Variants in KCNN3 observed in about 807,000 individuals in gnomAD.
The protein encoded by KCNN3 is small conductance calcium-activated potassium channel protein 3.
In KCNN3, 16 loss-of-function variants were observed where a neutral mutation model predicts 62.9. That is an observed-to-expected ratio of 0.25 (90% CI 0.17 to 0.39). The LOEUF (loss-of-function observed/expected upper bound fraction) is 0.39. KCNN3 is among the 10% of genes least tolerant of loss of function. The pLI is 1.00. For synonymous variants in KCNN3, 370 were observed against 389.2 expected, an observed-to-expected ratio of 0.95 and a Z score of 0.58; for missense variants, 599 against 949.4, an observed-to-expected ratio of 0.63 and a Z score of 4.85.
At chr1:154,820,756 C>T (rs1050443058) in intron 2 of KCNN3, among the ~76,000 whole-genome samples, 3 of 152,228 alleles carry the variant, frequency 2.0e-5, no homozygotes, top group Admixed American at 6.5e-5. Flanking sequence ...AGCCCCTGTC[C>T]AAGCATCTGC....
intron 1 of KCNN3, among the ~76,000 whole-genome samples, chr1:154,858,956 C>A (rs1414108839): frequency 6.6e-6 from 1 of 152,188 alleles, no homozygotes; most frequent in Non-Finnish European, 1.5e-5. Context: ...GGATCTTGCC[C>A]ACCCAGGCTA....
At chr1:154,829,897 C>T (rs1651314656) in intron 1 of KCNN3, among the ~76,000 whole-genome samples, 1 of 152,132 alleles carries the variant, frequency 6.6e-6, no homozygotes, top group Non-Finnish European at 1.5e-5. Flanking sequence ...CTGGGGTGAC[C>T]AGAGCACCTT....
At chr1:154,852,926 C>G (rs952738650) in intron 1 of KCNN3, among the ~76,000 whole-genome samples, 4 of 152,188 alleles carry the variant, frequency 2.6e-5, no homozygotes, top group Admixed American at 1.3e-4. Context: ...CTCACCACTT[C>G]AGATCCTCCA....
intron 1 of KCNN3, chr1:154,859,627 T>C (rs1558010914): frequency 6.6e-7 from 1 of 1,513,210 alleles, no homozygotes; most frequent in Non-Finnish European, 9.2e-7. Context: ...GTTCAATGGC[T>C]CAAGCCAGGC....
intron 4 of KCNN3, among the ~76,000 whole-genome samples, chr1:154,729,399 G>A (rs1700543476): frequency 6.6e-6 from 1 of 152,134 alleles, no homozygotes; most frequent in South Asian, 2.1e-4. Context: ...GCGAGAGGGA[G>A]CACCGAGTGC....
chr1:154,697,749 C>G lies in KCNN3; in HGVS notation c.*10227G>C, dbSNP rs1699769195. On this transcript the variant is annotated 3_prime_UTR_variant, in exon 8 of 8. Transcript: ENST00000271915. ...CATGTGGTCAATACACATCCTGGAT[C>G]TTACAAATCCAATGGTGGCCAGCAG... The G allele has an allele frequency of 6.6e-6, 1 of 152,218 alleles. No homozygotes were observed. The highest frequency in any genetic ancestry group is 2.4e-5 in the African/African-American group (1 of 41,462). 9.4% of individuals were successfully genotyped at this position (152,218 alleles called of 1,614,324 possible). A position where few individuals can be genotyped will look rare whatever the true frequency, so the allele number is the denominator to read the frequency against.
At chr1:154,714,552 G>GGTT (rs1700185473) in intron 6 of KCNN3, among the ~76,000 whole-genome samples, 1 of 71,886 alleles carries the variant, frequency 1.4e-5, no homozygotes, top group Admixed American at 1.5e-4. Context: ...GGGTGTGTGT[G>GGTT]TGTGGTGTGT....
At chr1:154,770,844 G>A (rs184257057) in intron 3 of KCNN3, among the ~76,000 whole-genome samples, 13 of 152,276 alleles carry the variant, frequency 8.5e-5, no homozygotes, top group Admixed American at 7.8e-4. Context: ...ATCACTTGAA[G>A]CCAGGAGTTC....
chr1:154,710,351 C>T (rs1322814852), intron 7 of KCNN3, among the ~76,000 whole-genome samples: 2 of 152,182 alleles, frequency 1.3e-5, no homozygotes, highest in Non-Finnish European at 2.9e-5. Context: ...GTGAAGTGTG[C>T]TAAGCTGCTG....
Position 154,772,108 on chromosome 1 carries a change from C to T in KCNN3, c.1315G>A (p.Ala439Thr). 6.2e-7 allele frequency: 1 copy of T among 1,614,190 alleles called. No homozygotes were observed. The highest frequency in any genetic ancestry group is 8.5e-7 in the Non-Finnish European group (1 of 1,180,040). Residue 439 changes from alanine (A) to threonine (T), a missense_variant, in exon 3 of 8, where the codon GCC (alanine) becomes ACC (threonine). Ala to Thr is a moderately conservative substitution (Grantham distance 58, BLOSUM62 0). Transcript: ENST00000271915. This position sits in a 1 kb window ranked among gnomAD's most constrained non-coding sequence, Gnocchi z 5.6. ...GTGTTGAAGTTGATCTTGTTGAGGG[C>T]CCCGATGCTGCGGGACGAGGCATCG... ...FTDASSRSIG[A>T]LNKINFNTRF...
chr1:154,785,832 C>G (rs1180414169), intron 2 of KCNN3, among the ~76,000 whole-genome samples: 1 of 151,990 alleles, frequency 6.6e-6, no homozygotes, highest in Non-Finnish European at 1.5e-5. Context: ...AACTCCTAGC[C>G]TCATATGATC....
intron 7 of KCNN3, 100 bp from the exon 8 acceptor site, chr1:154,708,372 C>T (rs1190501418): frequency 7.7e-6 from 9 of 1,171,502 alleles, no homozygotes; most frequent in Admixed American, 1.7e-5. Flanking sequence ...ATGACAGGAG[C>T]CACTTCCACA....
At chr1:154,868,015 C>T (rs1653020064) in intron 1 of KCNN3, 31 of 985,352 alleles carry the variant, frequency 3.1e-5, no homozygotes, top group Non-Finnish European at 3.7e-5. Flanking sequence ...GACTGAGAGG[C>T]TGGAGCAGTG....
chr1:154,709,940 C>T (rs1440975943), intron 7 of KCNN3, among the ~76,000 whole-genome samples: 1 of 152,186 alleles, frequency 6.6e-6, no homozygotes, highest in Non-Finnish European at 1.5e-5. Context: ...CACTTTGTTC[C>T]CTTGGATCTT....
intron 5 of KCNN3, among the ~76,000 whole-genome samples, chr1:154,720,027 A>G (rs1700315467): frequency 6.6e-6 from 1 of 152,124 alleles, no homozygotes; most frequent in Admixed American, 6.5e-5. Flanking sequence ...ATAATTCTAT[A>G]ATGCTATTTA....
At chr1:154,759,871 A>G (rs1647918554) in intron 3 of KCNN3, among the ~76,000 whole-genome samples, 1 of 152,208 alleles carries the variant, frequency 6.6e-6, no homozygotes, top group South Asian at 2.1e-4. Flanking sequence ...TCTCAATGCA[A>G]TATGGATTTC....
At chr1:154,740,710 G>A (rs1700807650) in intron 3 of KCNN3, among the ~76,000 whole-genome samples, 1 of 152,206 alleles carries the variant, frequency 6.6e-6, no homozygotes. Flanking sequence ...ATCTCATCAA[G>A]ACTTGACTTT....
Position 154,870,115 on chromosome 1 carries a change from G to T in KCNN3, c.-151C>A. On this transcript the variant is annotated 5_prime_UTR_variant, in exon 1 of 8. Coordinates refer to ENST00000271915, the MANE Select transcript of KCNN3 (RefSeq NM_002249.6). ...CTTTGGCTTGCTTCGGTTCTCTGGGGCTGCCTGGAGTCCAGACGCTGCCAC... is the reference window on the plus strand; with the variant it reads ...CTTTGGCTTGCTTCGGTTCTCTGGGTCTGCCTGGAGTCCAGACGCTGCCAC... 1 of 888,062 alleles carries T rather than the reference G, an allele frequency of 1.1e-6. No homozygotes were observed. The highest frequency in any genetic ancestry group is 1.8e-6 in the Non-Finnish European group (1 of 542,842). The allele number at this position is 888,062 out of a possible 1,614,324, so 55.0% of individuals were successfully genotyped here. A position where few individuals can be genotyped will look rare whatever the true frequency, so the allele number is the denominator to read the frequency against.
At chr1:154,837,718 AG>A in intron 1 of KCNN3, among the ~76,000 whole-genome samples, 1 of 152,350 alleles carries the variant, frequency 6.6e-6, no homozygotes, top group East Asian at 1.9e-4. Flanking sequence ...GAGCTATCAA[AG>A]CTTGGGTCAG....
Sources: allele counts gnomAD v4.1 joint callset (sites outside exome capture counted in the v4.1 genomes callset), GRCh38; gene constraint gnomAD v4.1.1; non-coding constraint Gnocchi (gnomAD v3.1); transcripts MANE v1.5; gene names NCBI Gene and HGNC (gene_info 2026-07-23, HGNC 2026-07-21).